The following LRP1B variants were observed in gnomAD, a reference collection of about 807,000 sequenced individuals.
LRP1B encodes the protein LDL receptor related protein 1B, also known as low-density lipoprotein receptor-related protein 1B.
LRP1B carries 217 observed loss-of-function variants against 556.6 expected under a neutral mutation model. The ratio of observed to expected loss-of-function variants is 0.39; its 90% CI spans 0.35 to 0.44. The LOEUF (loss-of-function observed/expected upper bound fraction) is 0.44. Ranked by LOEUF, LRP1B falls within the 20% of genes least tolerant of loss-of-function variation. The probability of loss-of-function intolerance (pLI) is 1.00; values close to 1 mark genes in which losing one functional copy is unlikely to be tolerated. For synonymous variants in LRP1B, 2,047 were observed against 1,865.8 expected (o/e 1.10, Z -2.50); for missense variants, 5,053 against 5,620.8 (o/e 0.90, Z 3.23).
chr2:142,043,255 A>G (rs1041687909), intron 1 of LRP1B, among the ~76,000 whole-genome samples: 1 of 151,636 alleles, frequency 6.6e-6, no homozygotes, highest in Non-Finnish European at 1.5e-5. Context: ...TAAACTTTGC[A>G]TTGTTATAAT....
chr2:140,259,676 G>A (rs1466705165), intron 86 of LRP1B, among the ~76,000 whole-genome samples: 6 of 151,978 alleles, frequency 3.9e-5, no homozygotes, highest in Admixed American at 2.6e-4. Flanking sequence ...GAATACATGC[G>A]ACCCATTGGG....
intron 6 of LRP1B, among the ~76,000 whole-genome samples, chr2:141,189,538 C>T (rs1270122064): frequency 6.6e-6 from 1 of 151,974 alleles, no homozygotes; most frequent in African/African-American, 2.4e-5. Flanking sequence ...TAGGAGTATA[C>T]ATTCAGAGCA....
Position 141,357,588 on chromosome 2 carries a change from G to T in LRP1B, c.344-102947C>A, listed in dbSNP as rs1166136857. On this transcript the variant is annotated intron_variant, in intron 3 of 90. Coordinates refer to ENST00000389484, the MANE Select transcript of LRP1B (RefSeq NM_018557.3). ...CTAATTGTTTAATAGAGTTTTAACT[G>T]GGTATCCTCTTACTTGTAGCTGAAA... is the stretch of plus-strand genomic sequence containing the variant. Among the ~76,000 whole-genome samples, 6 of 152,038 alleles carry T rather than the reference G, an allele frequency of 3.9e-5. No individual in the cohort carries two copies. The East Asian group carries it at 9.7e-4, about 24-fold the overall frequency.
chr2:140,645,692 C>G (rs1038809760), intron 41 of LRP1B, among the ~76,000 whole-genome samples: 1 of 151,576 alleles, frequency 6.6e-6, no homozygotes, highest in Non-Finnish European at 1.5e-5. Flanking sequence ...GGCACTGCCA[C>G]GACGCCCGGC....
chr2:141,864,314 T>C (rs1435135946), intron 1 of LRP1B, among the ~76,000 whole-genome samples: 2 of 152,174 alleles, frequency 1.3e-5, no homozygotes, highest in African/African-American at 4.8e-5. Flanking sequence ...TACTTTTAAT[T>C]TCCTTGGATT....
intron 25 of LRP1B, among the ~76,000 whole-genome samples, chr2:140,873,208 G>C (rs192653860): frequency 4.2e-4 from 64 of 152,130 alleles, no homozygotes; most frequent in African/African-American, 1.4e-3. Context: ...AATATTATAA[G>C]GTGTCAAAAT....
At chr2:140,826,597 G>A (rs981901604) in intron 31 of LRP1B, among the ~76,000 whole-genome samples, 4 of 152,118 alleles carry the variant, frequency 2.6e-5, no homozygotes, top group Non-Finnish European at 5.9e-5. Context: ...TAAGAGAAAT[G>A]GGCCTTTCGA....
At chr2:141,604,986 G>C (rs10187201) in intron 2 of LRP1B, among the ~76,000 whole-genome samples, 1 of 152,024 alleles carries the variant, frequency 6.6e-6, no homozygotes, top group Non-Finnish European at 1.5e-5. Flanking sequence ...GCACAAGCCA[G>C]GTACAGCCAA....
intron 2 of LRP1B, among the ~76,000 whole-genome samples, chr2:141,635,427 A>T (rs1689079483): frequency 6.6e-6 from 1 of 151,758 alleles, no homozygotes; most frequent in Admixed American, 6.6e-5. Flanking sequence ...TACAAAAAAA[A>T]GTCTGCTGTA....
chr2:141,957,752 C>T (rs576227724), intron 1 of LRP1B, among the ~76,000 whole-genome samples: 6 of 151,904 alleles, frequency 3.9e-5, no homozygotes, highest in Admixed American at 6.6e-5. Context: ...GATATACTGG[C>T]GAGAATATTT....
At chr2:141,768,624 G>C (rs1272239972) in intron 2 of LRP1B, among the ~76,000 whole-genome samples, 1 of 152,038 alleles carries the variant, frequency 6.6e-6, no homozygotes, top group Non-Finnish European at 1.5e-5. Flanking sequence ...TCAAACAGTT[G>C]GCTTTGTCTG....
chr2:142,054,951 C>T lies in LRP1B; in HGVS notation c.82+75697G>A, dbSNP rs78370963. ...CTATGTTTCACATCAGTGAATTTTA[C>T]AAGTAACTCAAATCTTGTCTTTAGA... On this transcript the variant is annotated intron_variant, in intron 1 of 90. Transcript: ENST00000389484. Among the ~76,000 whole-genome samples the T allele has an allele frequency of 6.6e-5, 10 of 152,154 alleles. No homozygotes were observed. The East Asian group carries it at 1.9e-3, about 30-fold the overall frequency.
chr2:140,631,340 T>C (rs1287720428), intron 41 of LRP1B, among the ~76,000 whole-genome samples: 6 of 152,304 alleles, frequency 3.9e-5, no homozygotes, highest in African/African-American at 1.4e-4. Flanking sequence ...GGCTACAAAA[T>C]AGCAGAGATT....
At position 140,813,702 on chromosome 2, in the gene LRP1B, A is replaced by T. The variant is rs748351829; in HGVS notation, c.5314T>A (p.Ser1772Thr). Residue 1772 changes from serine to threonine, a missense_variant, in exon 32 of 91, where the codon TCA (serine) becomes ACA (threonine). Physicochemically the swap from Ser to Thr is moderately conservative, Grantham distance 58. Coordinates refer to ENST00000389484, the MANE Select transcript of LRP1B (RefSeq NM_018557.3). ...GCTTTTGTTAATTCTTCTTTCATTG[A>T]CTCGATTACTTCTAAATTACCACCA... The part of the protein sequence containing the change: ...LDGGNLEVIE[S>T]MKEELTKATA... 9 of 1,612,916 alleles carry T rather than the reference A, an allele frequency of 5.6e-6. No individual in the cohort carries two copies. In the African/African-American group the frequency reaches 8.0e-5, roughly 14 times the overall value.
At chr2:140,422,187 C>T (rs1445085696) in intron 66 of LRP1B, among the ~76,000 whole-genome samples, 1 of 152,174 alleles carries the variant, frequency 6.6e-6, no homozygotes, top group Non-Finnish European at 1.5e-5. Flanking sequence ...TTTTCTGGAA[C>T]TTAGCAAAAG....
At chr2:141,798,369 C>G (rs1158136772) in intron 2 of LRP1B, among the ~76,000 whole-genome samples, 1 of 152,032 alleles carries the variant, frequency 6.6e-6, no homozygotes, top group African/African-American at 2.4e-5. Context: ...AAACAAGTAA[C>G]AAGTAATCTT....
chr2:140,595,739 C>T (rs987473417), intron 43 of LRP1B, among the ~76,000 whole-genome samples: 1 of 152,038 alleles, frequency 6.6e-6, no homozygotes, highest in Non-Finnish European at 1.5e-5. Context: ...AAAACATGCA[C>T]ATGTACTCCC....
intron 6 of LRP1B, among the ~76,000 whole-genome samples, chr2:141,206,990 G>C (rs1232776460): frequency 6.6e-6 from 1 of 152,278 alleles, no homozygotes; most frequent in East Asian, 1.9e-4. Flanking sequence ...GCAGCTGTGG[G>C]TGCACAATTT....
intron 32 of LRP1B, among the ~76,000 whole-genome samples, chr2:140,796,900 A>G (rs931354684): frequency 6.6e-6 from 1 of 152,080 alleles, no homozygotes; most frequent in African/African-American, 2.4e-5. Context: ...TAAATAGAAT[A>G]CCATTAAATC....
Sources: allele counts gnomAD v4.1 joint callset (sites outside exome capture counted in the v4.1 genomes callset), GRCh38; gene constraint gnomAD v4.1.1; transcripts MANE v1.5; gene names NCBI Gene and HGNC (gene_info 2026-07-23, HGNC 2026-07-21).